HDLBP: variants seen among roughly 807,000 people sequenced by gnomAD.
HDLBP encodes vigilin.
HDLBP carries 30 observed loss-of-function variants against 137.3 expected under a neutral mutation model. The observed-to-expected ratio is 0.22, with a 90% CI of 0.16 to 0.30. The LOEUF (loss-of-function observed/expected upper bound fraction) is 0.30. Among genes scored for constraint, HDLBP ranks in the 10% least tolerant of loss-of-function variants. The pLI, the probability that HDLBP is intolerant of heterozygous loss-of-function variation, is 1.00. For missense variants in HDLBP, 1,119 were observed against 1,667.3 expected (o/e 0.67, Z 5.73); for synonymous variants, 606 against 596.0 (o/e 1.02, Z -0.24).
At position 241,256,222 on chromosome 2, in the gene HDLBP, G is replaced by C; in HGVS notation, c.835C>G (p.Gln279Glu). ...VFTGEKEQLA[Q>E]AVARIKKIYE... is the part of the protein sequence containing the mutation. Reference sequence around the variant, plus strand: ...ATCTTCTTGATGCGAGCCACAGCCTGAGCCAACTGTTCCTTCTCTCCAGTG... The same window carrying C: ...ATCTTCTTGATGCGAGCCACAGCCTCAGCCAACTGTTCCTTCTCTCCAGTG... Residue 279 changes from glutamine (Q) to glutamate (E), a missense_variant, in exon 7 of 28, where the codon CAG (glutamine) becomes GAG (glutamate). Physicochemically the swap from Gln to Glu is conservative, Grantham distance 29. Around this residue, in one of 4 missense-constraint regions of HDLBP, gnomAD observed 425 missense variants for 693.9 expected, o/e 0.61. Transcript: ENST00000310931. 1 of 1,614,156 alleles carries C rather than the reference G, an allele frequency of 6.2e-7. No individual in the cohort carries two copies. The highest frequency in any genetic ancestry group is 1.7e-5 in the Admixed American group (1 of 60,022).
chr2:241,274,480 G>T (rs1354451093), intron 1 of HDLBP, among the ~76,000 whole-genome samples: 1 of 152,194 alleles, frequency 6.6e-6, no homozygotes, highest in African/African-American at 2.4e-5. Context: ...GTGCAAGTGT[G>T]TTTTTTGTTG....
intron 16 of HDLBP, 197 bp downstream of exon 16, chr2:241,246,554 GT>G: frequency 1.8e-6 from 1 of 569,204 alleles, no homozygotes; most frequent in Non-Finnish European, 3.1e-6. Context: ...CTGCTGCAGG[GT>G]CCAGGTAAGT....
chr2:241,231,719 C>T (rs1251803108), intron 24 of HDLBP, among the ~76,000 whole-genome samples: 1 of 152,058 alleles, frequency 6.6e-6, no homozygotes, highest in Non-Finnish European at 1.5e-5. Flanking sequence ...CCTTGGGCCA[C>T]ACAAATGGAC....
Position 241,230,019 on chromosome 2 carries a change from CCGCCTGCTCACCCCTGCACCT to C in HDLBP, c.3592-79_3592-59del. On this transcript the variant is annotated intron_variant, in intron 26 of 27. Transcript: ENST00000310931. This position sits in a 1 kb window ranked among gnomAD's most constrained non-coding sequence, Gnocchi z 5.0. ...CTGCCCAGCACCCCCAGCATCCCGC[CCGCCTGCTCACCCCTGCACCT>C]CGCCTGCCTCTGGAAACACAAGTGC... 6.4e-7 allele frequency: 1 copy of C among 1,574,548 alleles called. No homozygotes were observed. Among genetic ancestry groups the C allele is most frequent in the Non-Finnish European group, 8.6e-7 (1 of 1,158,424 alleles).
chr2:241,236,022 ACT>A (rs989680263), intron 21 of HDLBP: 3 of 191,030 alleles, frequency 1.6e-5, no homozygotes, highest in African/African-American at 7.1e-5. Flanking sequence ...GCCACAAGGG[ACT>A]CTCAGACCGC....
chr2:241,273,168 A>G, intron 1 of HDLBP: 2 of 985,484 alleles, frequency 2.0e-6, no homozygotes, highest in South Asian at 4.7e-5. Context: ...AAATCAGAAG[A>G]AAAACCTCAA....
rs779517429 is a variant in HDLBP, at chr2:241,272,005, G to A, written c.-102-3464C>T. 5 of 181,294 alleles carry A rather than the reference G, an allele frequency of 2.8e-5. No homozygotes were observed. The highest frequency in any genetic ancestry group is 4.2e-5 in the Non-Finnish European group (4 of 94,762). The allele number at this position is 181,294 out of a possible 1,614,324, so 11.2% of individuals were successfully genotyped here. On this transcript the variant is annotated intron_variant, in intron 1 of 27. Coordinates refer to ENST00000310931, the MANE Select transcript of HDLBP (RefSeq NM_005336.6). This position sits in a 1 kb window ranked among gnomAD's most constrained non-coding sequence, Gnocchi z 5.6. ...GCCCTCCCACAGGCCACGAGGGCCC[G>A]CGGGCGGGGACAGGCTTAAAGGGAC...
rs777036220 is a variant in HDLBP at position 241,230,710 on chromosome 2, G to A, written c.3474+49C>T. 32 of 1,536,916 alleles carry A rather than the reference G, an allele frequency of 2.1e-5. 1 individual carries two copies. The South Asian group carries it at 3.1e-4, about 15-fold the overall frequency. ...TGCTCTTTCTTCTGGCCAGCCAGGT[G>A]CCCCCGGTGAGAGAGGATTCTCACC... On this transcript the variant is annotated intron_variant, in intron 25 of 27. Coordinates refer to ENST00000310931, the MANE Select transcript of HDLBP (RefSeq NM_005336.6). This position sits in a 1 kb window ranked among gnomAD's most constrained non-coding sequence, Gnocchi z 5.0.
In HDLBP at chr2:241,236,399, C is replaced by T. The variant is rs1301267772; in HGVS notation, c.2904+216G>A. On this transcript the variant is annotated intron_variant, in intron 21 of 27. Transcript: ENST00000310931. ...CCCATGCAGCTGTCCCAGAAAGGGG[C>T]TATAGAACCCCGAGCCTTGGTGAAG... The T allele has an allele frequency of 2.9e-5, 17 of 583,628 alleles. No homozygotes were observed. The East Asian group carries it at 4.6e-4, about 16-fold the overall frequency. 36.2% of individuals were successfully genotyped at this position (583,628 alleles called of 1,614,324 possible). A position where few individuals can be genotyped will look rare whatever the true frequency, so the allele number is the denominator to read the frequency against.
intron 1 of HDLBP, among the ~76,000 whole-genome samples, chr2:241,293,931 AAAAAAC>A (rs1559549924): frequency 6.6e-6 from 1 of 151,744 alleles, no homozygotes; most frequent in African/African-American, 2.4e-5. Flanking sequence ...CAAAAAAAAA[AAAAAAC>A]AAAAACAGAA....
At chr2:241,280,053 C>CACTT (rs1033721006) in intron 1 of HDLBP, 1 of 985,270 alleles carries the variant, frequency 1.0e-6, no homozygotes, top group African/African-American at 1.7e-5. Flanking sequence ...AGGCGCCCAC[C>CACTT]ACTTCCTTGG....
rs2072606643 is a variant in HDLBP, at chr2:241,256,291, T to C, written c.766A>G (p.Ile256Val). The C allele has an allele frequency of 6.2e-7, 1 of 1,614,182 alleles. No individual in the cohort carries two copies. Among genetic ancestry groups the C allele is most frequent in the African/African-American group, 1.3e-5 (1 of 75,026 alleles). ...GEIMQETGTR[I>V]NIPPPSVNRT... ...TTCACGCTGGGTGGGGGGATGTTGA[T>C]GCGCGTGCCTGTCTCCTGCATGATC... The change falls in exon 7 of 28, where the codon ATC becomes GTC. Residue 256 changes from isoleucine (I) to valine (V), a missense_variant. Physicochemically the swap from Ile to Val is conservative, Grantham distance 29. This residue lies in a region of HDLBP where 425 missense variants were observed against 693.9 expected (regional missense o/e 0.61). Coordinates refer to ENST00000310931, the MANE Select transcript of HDLBP (RefSeq NM_005336.6).
Position 241,256,908 on chromosome 2 carries a change from C to T in HDLBP, c.451-102G>A, listed in dbSNP as rs57225598. ...GCAGAAACACCATCTTTGCTTATTC[C>T]TGCCCAGCAGCACCAACTCATCCAT... On this transcript the variant is annotated intron_variant, in intron 5 of 27. Transcript: ENST00000310931. 7.1e-3 allele frequency: 6,940 copies of T among 975,804 alleles called. 295 individuals are homozygous for T. The African/African-American group carries it at 0.1, about 14-fold the overall frequency. 60.4% of individuals were successfully genotyped at this position (975,804 alleles called of 1,614,324 possible).
intron 3 of HDLBP, among the ~76,000 whole-genome samples, chr2:241,266,015 C>T (rs2073644910): frequency 6.7e-6 from 1 of 150,054 alleles, no homozygotes; most frequent in African/African-American, 2.4e-5. Flanking sequence ...AGAACTAATA[C>T]TCAATTTAGT....
intron 1 of HDLBP, among the ~76,000 whole-genome samples, chr2:241,298,854 T>A (rs888875317): frequency 1.3e-5 from 2 of 152,120 alleles, no homozygotes; most frequent in Non-Finnish European, 2.9e-5. Flanking sequence ...AAATAACTGC[T>A]GGTAATCATT....
intron 1 of HDLBP, among the ~76,000 whole-genome samples, chr2:241,286,016 T>C (rs2074791936): frequency 6.6e-6 from 1 of 152,166 alleles, no homozygotes; most frequent in Admixed American, 6.5e-5. Flanking sequence ...GCAAGACCTG[T>C]TTGTTTAAAA....
In HDLBP at chr2:241,239,693, G is replaced by A; in HGVS notation, c.2519C>T (p.Ser840Phe). Residue 840 changes from serine (S) to phenylalanine (F), a missense_variant, in exon 19 of 28, where the codon TCT becomes TTT. By Grantham distance (155) the Ser-to-Phe change is radical. Transcript: ENST00000310931. This position sits in a 1 kb window ranked among gnomAD's most constrained non-coding sequence, Gnocchi z 4.6. ...YGGVMVSFPR[S>F]GTQSDKVTLK... is the part of the protein sequence containing the mutation. ...GGTGACTTTGTCGCTCTGTGTGCCAGAGCGTGGGAAGCTGACCATCACCCC... is the reference window on the plus strand; with the variant it reads ...GGTGACTTTGTCGCTCTGTGTGCCAAAGCGTGGGAAGCTGACCATCACCCC... 1 of 1,614,182 alleles carries A rather than the reference G, an allele frequency of 6.2e-7. No individual in the cohort carries two copies. The highest frequency in any genetic ancestry group is 1.1e-5 in the South Asian group (1 of 91,080).
chr2:241,287,825 A>T (rs1367588364), intron 1 of HDLBP, among the ~76,000 whole-genome samples: 1 of 152,240 alleles, frequency 6.6e-6, no homozygotes, highest in African/African-American at 2.4e-5. Context: ...CATTGAGAAT[A>T]GCAAAAGGAC....
intron 1 of HDLBP, chr2:241,268,744 C>T (rs946238696): frequency 6.6e-6 from 1 of 152,636 alleles, no homozygotes; most frequent in Admixed American, 6.6e-5. Context: ...TAAAACAAAA[C>T]ATGAACCAGC....
Sources: gnomAD v4.1 joint callset for allele counts (sites outside exome capture counted in the v4.1 genomes callset) on GRCh38, gnomAD v4.1.1 for gene constraint, gnomAD v4.1.1 regional missense constraint, Gnocchi (gnomAD v3.1) non-coding constraint, MANE v1.5 for transcripts, NCBI Gene and HGNC (gene_info 2026-07-23, HGNC 2026-07-21) for gene names.